FAM78B: variants seen among roughly 807,000 people sequenced by gnomAD.
FAM78B encodes protein FAM78B.
In FAM78B, 10 loss-of-function variants were observed where a neutral mutation model predicts 20.0. The observed-to-expected ratio is 0.50, with a 90% CI of 0.31 to 0.85. FAM78B has a LOEUF of 0.85. Ranked by LOEUF, FAM78B falls within the 40% of genes least tolerant of loss-of-function variation. The probability of loss-of-function intolerance (pLI) is 0.05; values close to 1 mark genes in which losing one functional copy is unlikely to be tolerated. For synonymous variants in FAM78B, 135 were observed against 132.8 expected (o/e 1.02, Z -0.12); for missense variants, 283 against 345.0 (o/e 0.82, Z 1.42).
chr1:166,119,987 T>C (rs563691317), intron 1 of FAM78B, among the ~76,000 whole-genome samples: 1 of 152,368 alleles, frequency 6.6e-6, no homozygotes, highest in East Asian at 1.9e-4. Context: ...CCTGTGGATC[T>C]ACTGTTCCTT....
At chr1:166,098,393 C>T (rs1295174450) in intron 1 of FAM78B, among the ~76,000 whole-genome samples, 2 of 152,084 alleles carry the variant, frequency 1.3e-5, no homozygotes, top group Non-Finnish European at 2.9e-5. Flanking sequence ...GAAGAAGAAA[C>T]ACCTGATTTA....
In FAM78B at chr1:166,109,895, T is replaced by C. The variant is rs1369920485; in HGVS notation, c.264-39132A>G. On this transcript the variant is annotated intron_variant, in intron 1 of 1. Transcript: ENST00000354422. ...ATATATATATATGTATATATGTATA[T>C]ATATATATATATATATATATATATA... 1.9e-4 allele frequency among the ~76,000 whole-genome samples: 14 copies of C among 74,008 alleles called. 2 individuals are homozygous for C. Among genetic ancestry groups the C allele is most frequent in the East Asian group, 1.3e-3 (3 of 2,380 alleles). The allele number at this position is 74,008 out of a possible 152,430, so 48.6% of individuals were successfully genotyped here. A position where few individuals can be genotyped will look rare whatever the true frequency, so the allele number is the denominator to read the frequency against.
intron 1 of FAM78B, among the ~76,000 whole-genome samples, chr1:166,099,011 T>G (rs1224671560): frequency 6.6e-6 from 1 of 152,172 alleles, no homozygotes; most frequent in African/African-American, 2.4e-5. Flanking sequence ...ATCAGGTAAC[T>G]TATAAAGGAA....
chr1:166,132,161 T>C (rs1191217558), intron 1 of FAM78B, among the ~76,000 whole-genome samples: 1 of 152,178 alleles, frequency 6.6e-6, no homozygotes, highest in Non-Finnish European at 1.5e-5. Flanking sequence ...AAATATGACA[T>C]GTTTAGTGAT....
exon 3 of FAM78B, chr1:166,059,833 G>A (rs1427346278): frequency 6.6e-6 from 1 of 152,140 alleles, no homozygotes; most frequent in African/African-American, 2.4e-5. Context: ...CTATTCTGAA[G>A]CTTCAAAGAG....
chr1:166,114,342 G>A (rs1181040711), intron 1 of FAM78B, among the ~76,000 whole-genome samples: 1 of 152,196 alleles, frequency 6.6e-6, no homozygotes, highest in Admixed American at 6.5e-5. Context: ...TTGTGCTGAA[G>A]CCGACTGGTT....
exon 3 of FAM78B, chr1:166,059,413 T>C (rs539706036): frequency 3.9e-5 from 6 of 152,276 alleles, no homozygotes; most frequent in African/African-American, 1.4e-4. Flanking sequence ...AACCCTATTT[T>C]CACATTAGAG....
In FAM78B at chr1:166,159,836, G is replaced by A. The variant is rs574148776; in HGVS notation, c.263+6150C>T. On this transcript the variant is annotated intron_variant, in intron 1 of 1. Transcript: ENST00000354422. ...TCCAGAGTTGTGCTTTATCTCCAGTGAGCTTAATGCTTCCCTGATAAGACC... is the reference window on the plus strand; with the variant it reads ...TCCAGAGTTGTGCTTTATCTCCAGTAAGCTTAATGCTTCCCTGATAAGACC... Among the ~76,000 whole-genome samples the A allele has an allele frequency of 1.5e-4, 23 of 152,282 alleles. No homozygotes were observed. The South Asian group carries it at 4.8e-3, about 32-fold the overall frequency.
intron 1 of FAM78B, among the ~76,000 whole-genome samples, chr1:166,159,603 G>A (rs1458777029): frequency 3.3e-5 from 5 of 152,094 alleles, no homozygotes; most frequent in Admixed American, 3.3e-4. Context: ...CCTGCTGCCT[G>A]TGGAAGGTCA....
intron 1 of FAM78B, among the ~76,000 whole-genome samples, chr1:166,131,364 A>T (rs1172431243): frequency 1.3e-5 from 2 of 152,178 alleles, no homozygotes; most frequent in Non-Finnish European, 2.9e-5. Flanking sequence ...GCAATGTCAG[A>T]AGCCCAGCAG....
At chr1:166,106,048 C>G (rs1337179532) in intron 1 of FAM78B, among the ~76,000 whole-genome samples, 7 of 151,850 alleles carry the variant, frequency 4.6e-5, no homozygotes, top group African/African-American at 1.7e-4. Flanking sequence ...GAGTTCATGT[C>G]CTTTGTAGGG....
intron 1 of FAM78B, among the ~76,000 whole-genome samples, chr1:166,088,804 G>A (rs1295428688): frequency 6.6e-6 from 1 of 152,074 alleles, no homozygotes; most frequent in Non-Finnish European, 1.5e-5. Flanking sequence ...TCTGGGCTTT[G>A]GGCTGTGTGG....
intron 1 of FAM78B, among the ~76,000 whole-genome samples, chr1:166,084,505 C>T (rs77481939): frequency 0.013 from 1,936 of 152,192 alleles, 19 homozygotes; most frequent in Admixed American, 0.021. Context: ...GTGCTGATGG[C>T]GAGTGCAATT....
chr1:166,136,068 T>C (rs1655051911), intron 1 of FAM78B, among the ~76,000 whole-genome samples: 1 of 152,144 alleles, frequency 6.6e-6, no homozygotes, highest in African/African-American at 2.4e-5. Flanking sequence ...ACAGTTCTTT[T>C]AAAGGGGACT....
At chr1:166,105,884 C>G (rs1653756521) in intron 1 of FAM78B, among the ~76,000 whole-genome samples, 1 of 151,700 alleles carries the variant, frequency 6.6e-6, no homozygotes, top group Non-Finnish European at 1.5e-5. Context: ...ATAAATCATG[C>G]TGCTATAAAG....
At chr1:166,098,342 G>A (rs768035839) in intron 1 of FAM78B, among the ~76,000 whole-genome samples, 31 of 152,114 alleles carry the variant, frequency 2.0e-4, no homozygotes, top group South Asian at 1.0e-3. Flanking sequence ...CTGCCCCGCC[G>A]CCTCCAAAAT....
chr1:166,160,751 T>C (rs1656115169), intron 1 of FAM78B, among the ~76,000 whole-genome samples: 1 of 152,258 alleles, frequency 6.6e-6, no homozygotes. Flanking sequence ...CTTGAACATC[T>C]GCTATGGGCC....
intron 1 of FAM78B, among the ~76,000 whole-genome samples, chr1:166,089,527 T>C (rs1652981542): frequency 6.6e-6 from 1 of 151,700 alleles, no homozygotes. Context: ...AGTGAAAGAA[T>C]GGGTCAGGAG....
At chr1:166,135,489 C>G in intron 1 of FAM78B, among the ~76,000 whole-genome samples, 1 of 152,168 alleles carries the variant, frequency 6.6e-6, no homozygotes, top group East Asian at 1.9e-4. Context: ...ACAATGAAAG[C>G]GTGTATCATG....
Sources: gnomAD v4.1 joint callset for allele counts (sites outside exome capture counted in the v4.1 genomes callset) on GRCh38, gnomAD v4.1.1 for gene constraint, MANE v1.5 for transcripts, NCBI Gene and HGNC (gene_info 2026-07-23, HGNC 2026-07-21) for gene names.